The following CLTA variants were observed in gnomAD, a reference collection of about 807,000 sequenced individuals.
CLTA encodes the protein clathrin light chain A.
CLTA carries 9 observed loss-of-function variants against 26.9 expected under a neutral mutation model. The observed-to-expected ratio is 0.33, with a 90% CI of 0.20 to 0.58. CLTA has a LOEUF of 0.58. CLTA is among the 20% of genes least tolerant of loss of function. The pLI is 0.85. For missense variants in CLTA, 278 were observed against 294.2 expected, an observed-to-expected ratio of 0.94 and a Z score of 0.40; for synonymous variants, 120 against 115.5, an observed-to-expected ratio of 1.04 and a Z score of -0.25.
chr9:36,210,538 T>C (rs1827981296), intron 4 of CLTA: 1 of 1,603,940 alleles, frequency 6.2e-7, no homozygotes, highest in Admixed American at 1.7e-5. Flanking sequence ...CATGTCCAGC[T>C]TACTGACCAT....
At chr9:36,198,551 C>T (rs1827189833) in intron 2 of CLTA, among the ~76,000 whole-genome samples, 1 of 151,716 alleles carries the variant, frequency 6.6e-6, no homozygotes, top group Non-Finnish European at 1.5e-5. Flanking sequence ...GTGGCATGTG[C>T]CTGTAATCCC....
rs1175646721 is a variant in CLTA, at chr9:36,190,928, A to G, written c.-129A>G. ...GATACACGGGTAGGGCTTCCGCTTT[A>G]CCCGTCTCCCTCCTGGCGCTTGTCC... On this transcript the variant is annotated 5_prime_UTR_variant, in exon 1 of 5. Coordinates refer to ENST00000345519, the MANE Select transcript of CLTA (RefSeq NM_001833.4). The G allele has an allele frequency of 3.6e-6, 5 of 1,406,022 alleles. No individual in the cohort carries two copies. Among genetic ancestry groups the G allele is most frequent in the Non-Finnish European group, 3.7e-6 (4 of 1,083,962 alleles). 87.1% of individuals were successfully genotyped at this position (1,406,022 alleles called of 1,614,324 possible).
At chr9:36,201,254 A>G (rs3780356) in intron 3 of CLTA, among the ~76,000 whole-genome samples, 16,958 of 152,170 alleles carry the variant, frequency 0.11, 1,059 homozygotes, top group East Asian at 0.17. Flanking sequence ...TTTCCTTGCA[A>G]AAACTGTGAG....
intron 4 of CLTA, chr9:36,209,222 T>C (rs759198043): frequency 1.2e-6 from 2 of 1,612,710 alleles, no homozygotes; most frequent in South Asian, 2.2e-5. Context: ...TGTTCTCTCT[T>C]TTTTCCTGCC....
intron 4 of CLTA, among the ~76,000 whole-genome samples, chr9:36,205,764 T>G (rs557105378): frequency 0.025 from 3,644 of 145,618 alleles, 80 homozygotes; most frequent in Non-Finnish European, 0.036. Flanking sequence ...TGTTTTTTTT[T>G]TTTTTTTTTT....
Position 36,204,120 on chromosome 9 carries a change from G to C in CLTA, c.426G>C (p.Glu142Asp). 6.2e-7 allele frequency: 1 copy of C among 1,614,170 alleles called. No individual in the cohort carries two copies. Among genetic ancestry groups the C allele is most frequent in the Non-Finnish European group, 8.5e-7 (1 of 1,180,008 alleles). Residue 142 changes from glutamate (E) to aspartate (D), a missense_variant, in exon 4 of 5, where the codon GAG becomes GAC. Glu to Asp is a conservative substitution (Grantham distance 45). Coordinates refer to ENST00000345519, the MANE Select transcript of CLTA (RefSeq NM_001833.4). The part of the protein sequence containing the change: ...EAEWKEKAIK[E>D]LEEWYARQDE... ...AGTGGAAAGAAAAGGCAATAAAGGA[G>C]CTAGAAGAATGGTATGCAAGACAGG... is the stretch of plus-strand genomic sequence containing the variant.
In CLTA at chr9:36,212,011, C is replaced by T. The variant is rs14917; in HGVS notation, c.*237C>T. The T allele has an allele frequency of 5.5e-4, 362 of 663,588 alleles. 2 individuals are homozygous for T. The highest frequency in any genetic ancestry group is 5.4e-3 in the African/African-American group (301 of 56,100). 41.1% of individuals were successfully genotyped at this position (663,588 alleles called of 1,614,324 possible). ...GAAGCTTCCCAAGAGTAGCCTCAAC[C>T]TGTGCTTCTGTGCATTATTCTGAGA... On this transcript the variant is annotated 3_prime_UTR_variant, in exon 5 of 5. Transcript: ENST00000345519.
chr9:36,204,907 C>G (rs1827624046), intron 4 of CLTA, among the ~76,000 whole-genome samples: 1 of 152,142 alleles, frequency 6.6e-6, no homozygotes, highest in Non-Finnish European at 1.5e-5. Flanking sequence ...GGTTCAGAGC[C>G]CAACTTTCAC....
intron 1 of CLTA, among the ~76,000 whole-genome samples, chr9:36,194,321 C>G (rs1449962799): frequency 6.6e-6 from 1 of 152,212 alleles, no homozygotes; most frequent in African/African-American, 2.4e-5. Flanking sequence ...ACCACCGCAC[C>G]CGGTGACAAG....
At chr9:36,204,268 C>T in intron 4 of CLTA, 89 bp downstream of exon 4, 2 of 1,401,280 alleles carry the variant, frequency 1.4e-6, no homozygotes, top group South Asian at 1.3e-5. Context: ...TGGCTTCTGC[C>T]TCCTTTAGTG....
chr9:36,210,588 A>C, intron 4 of CLTA: 1 of 1,613,990 alleles, frequency 6.2e-7, no homozygotes, highest in Non-Finnish European at 8.5e-7. Context: ...TCTGACTTAA[A>C]GTTTCTCTCG....
chr9:36,191,335 C>T, intron 1 of CLTA, 62 bp downstream of exon 1: 2 of 1,437,448 alleles, frequency 1.4e-6, no homozygotes, highest in Non-Finnish European at 1.8e-6. Context: ...CACAGTGGGT[C>T]CGAGAGCTTC....
intron 3 of CLTA, among the ~76,000 whole-genome samples, chr9:36,200,012 C>G (rs914938534): frequency 2.0e-5 from 3 of 152,190 alleles, no homozygotes; most frequent in Non-Finnish European, 4.4e-5. Flanking sequence ...ACATTGCTTT[C>G]TAAACATTTA....
chr9:36,211,124 C>G (rs1276158370), intron 4 of CLTA, among the ~76,000 whole-genome samples: 2 of 152,206 alleles, frequency 1.3e-5, no homozygotes, highest in East Asian at 3.8e-4. Flanking sequence ...GTCTTGAATT[C>G]CTTTTGATCT....
At position 36,211,657 on chromosome 9, in the gene CLTA, G is replaced by C. The variant is rs1276289422; in HGVS notation, c.540G>C (p.Glu180Asp). 41 of 1,614,036 alleles carry C rather than the reference G, an allele frequency of 2.5e-5. No individual in the cohort carries two copies. The highest frequency in any genetic ancestry group is 3.0e-5 in the Non-Finnish European group (35 of 1,180,000). The change falls in exon 5 of 5, where the codon GAG (glutamate) becomes GAC (aspartate). Residue 180 changes from glutamate (E) to aspartate (D), a missense_variant. Transcript: ENST00000345519. ...NDIDESSPGT[E>D]WERVARLCDF... is the part of the protein sequence containing the mutation. Reference sequence around the variant, plus strand: ...TTGACGAGTCGTCCCCAGGCACTGAGTGGGAACGGGTGGCCCGGCTGTGTG... The same window carrying C: ...TTGACGAGTCGTCCCCAGGCACTGACTGGGAACGGGTGGCCCGGCTGTGTG...
intron 2 of CLTA, among the ~76,000 whole-genome samples, chr9:36,198,245 G>A (rs796769827): frequency 2.5e-4 from 38 of 151,856 alleles, no homozygotes; most frequent in African/African-American, 8.7e-4. Flanking sequence ...TGACCATCCC[G>A]CCTTGGCCTC....
At chr9:36,191,485 G>T (rs1321031842) in intron 1 of CLTA, among the ~76,000 whole-genome samples, 1 of 152,198 alleles carries the variant, frequency 6.6e-6, no homozygotes, top group South Asian at 2.1e-4. Flanking sequence ...TCTGGGCGCG[G>T]GCGGAGCGAG....
chr9:36,191,223 A>G lies in CLTA; in HGVS notation c.167A>G (p.Asp56Gly). ...IENDEAFAIL[D>G]GGAPGPQPHG... is the part of the protein sequence containing the mutation. ...AACGACGAGGCCTTCGCCATCCTGG[A>G]CGGCGGCGCCCCCGGGCCCCAGCCG... The change falls in exon 1 of 5, where the codon GAC becomes GGC. Residue 56 changes from aspartate to glycine, a missense_variant. By Grantham distance (94) the Asp-to-Gly change is moderately conservative. Transcript: ENST00000345519. 1 of 1,548,124 alleles carries G rather than the reference A, an allele frequency of 6.5e-7. No individual in the cohort carries two copies. Among genetic ancestry groups the G allele is most frequent in the Non-Finnish European group, 8.7e-7 (1 of 1,150,994 alleles).
At chr9:36,204,258 T>C (rs1316302925) in intron 4 of CLTA, 79 bp downstream of exon 4, 1 of 1,485,282 alleles carries the variant, frequency 6.7e-7, no homozygotes, top group East Asian at 2.5e-5. Context: ...TCTCGGTTTT[T>C]GGCTTCTGCC....
Sources: allele counts gnomAD v4.1 joint callset (sites outside exome capture counted in the v4.1 genomes callset), GRCh38; gene constraint gnomAD v4.1.1; transcripts MANE v1.5; gene names NCBI Gene and HGNC (gene_info 2026-07-23, HGNC 2026-07-21).